The following DGKB variants were observed in gnomAD, a reference collection of about 807,000 sequenced individuals.
DGKB encodes the protein diacylglycerol kinase beta.
Under a neutral mutation model 114.3 loss-of-function variants are expected in DGKB, and 67 were observed. That is an observed-to-expected ratio of 0.59 (90% confidence interval 0.48 to 0.72). The LOEUF is 0.72. Ranked by LOEUF, DGKB falls within the 30% of genes least tolerant of loss-of-function variation. DGKB has a pLI of 0.00. For missense variants in DGKB, 907 were observed against 975.2 expected (o/e 0.93, Z 0.93); for synonymous variants, 398 against 323.1 (o/e 1.23, Z -2.49).
At chr7:14,792,718 C>T (rs901928473) in intron 2 of DGKB, among the ~76,000 whole-genome samples, 12 of 133,218 alleles carry the variant, frequency 9.0e-5, no homozygotes, top group Admixed American at 8.0e-4. Context: ...TATAGTTACA[C>T]TTCATCTTTT....
chr7:14,306,173 G>A (rs1804433444), intron 23 of DGKB, among the ~76,000 whole-genome samples: 1 of 151,842 alleles, frequency 6.6e-6, no homozygotes. Flanking sequence ...TTTTATCCCA[G>A]TGATATTAAA....
chr7:14,176,220 T>C (rs1333380952), intron 25 of DGKB: 1 of 413,864 alleles, frequency 2.4e-6, no homozygotes, highest in East Asian at 1.6e-4. Context: ...TGTTCATGTG[T>C]CTACTCCCAG....
At chr7:14,482,617 T>C (rs1783147984) in intron 20 of DGKB, among the ~76,000 whole-genome samples, 1 of 152,098 alleles carries the variant, frequency 6.6e-6, no homozygotes, top group Non-Finnish European at 1.5e-5. Context: ...AGGTTATAGT[T>C]CTCACTAAGA....
intron 1 of DGKB, among the ~76,000 whole-genome samples, chr7:14,863,835 C>T (rs1402906803): frequency 1.3e-5 from 2 of 151,954 alleles, no homozygotes; most frequent in African/African-American, 4.8e-5. Context: ...TGTGGTGGCT[C>T]ATGTCTCTAA....
chr7:14,790,089 C>T (rs1431165869), intron 2 of DGKB, among the ~76,000 whole-genome samples: 2 of 152,270 alleles, frequency 1.3e-5, no homozygotes, highest in Admixed American at 1.3e-4. Flanking sequence ...TGAATATTCT[C>T]TTCAGGACAA....
chr7:14,923,983 CAAAAAAA>C (rs56032330), intron 1 of DGKB, among the ~76,000 whole-genome samples: 22 of 76,158 alleles, frequency 2.9e-4, no homozygotes, highest in South Asian at 5.8e-4. Context: ...AGCTCCATCT[CAAAAAAA>C]AAAAAAAAAA....
chr7:14,683,658 G>T (rs1821205287), intron 10 of DGKB, among the ~76,000 whole-genome samples: 1 of 151,816 alleles, frequency 6.6e-6, no homozygotes, highest in Non-Finnish European at 1.5e-5. Flanking sequence ...ATATAAAACA[G>T]TACTTAAAAA....
chr7:14,841,644 G>A (rs1432470870), intron 1 of DGKB, among the ~76,000 whole-genome samples, 194 bp from the exon 2 acceptor site: 2 of 152,130 alleles, frequency 1.3e-5, no homozygotes, highest in African/African-American at 2.4e-5. Context: ...CACATTCCAC[G>A]AGTAGACAGT....
intron 1 of DGKB, among the ~76,000 whole-genome samples, chr7:14,855,455 A>G (rs1317693451): frequency 1.3e-5 from 2 of 152,304 alleles, no homozygotes; most frequent in East Asian, 1.9e-4. Context: ...ATTTGATTAC[A>G]TAAACCTGTA....
Position 14,673,016 on chromosome 7 carries a change from T to C in DGKB, c.1047A>G (p.Lys349=). 2 of 1,567,584 alleles carry C rather than the reference T, an allele frequency of 1.3e-6. No homozygotes were observed. Among genetic ancestry groups the C allele is most frequent in the East Asian group, 2.3e-5 (1 of 42,966 alleles). ...ATTCAGGTTTTAGATGAGAAGCACA[T>C]TTATTATGCAGCTAGAAAAACAGAA... ...CVWCQITLHN[K]CASHLKPECD... is the part of the protein sequence containing the mutation. Residue 349 remains lysine, a synonymous_variant, in exon 13 of 26, where the codon AAA becomes AAG. Transcript: ENST00000402815.
intron 14 of DGKB, among the ~76,000 whole-genome samples, chr7:14,624,966 C>G (rs1045876021): frequency 2.0e-5 from 3 of 151,780 alleles, no homozygotes; most frequent in Non-Finnish European, 4.4e-5. Context: ...CCACTGAACT[C>G]CATCCTGAGA....
intron 14 of DGKB, among the ~76,000 whole-genome samples, chr7:14,627,870 G>C (rs1808897340): frequency 6.6e-6 from 1 of 151,692 alleles, no homozygotes; most frequent in East Asian, 1.9e-4. Flanking sequence ...TTGAACCCGT[G>C]AGGCAGAGGC....
chr7:14,313,257 T>C (rs558302722), intron 23 of DGKB, among the ~76,000 whole-genome samples: 8 of 151,638 alleles, frequency 5.3e-5, no homozygotes, highest in East Asian at 1.9e-4. Flanking sequence ...AAACAACATA[T>C]TGCGGGGAGG....
chr7:14,519,097 T>C (rs1789320089), intron 20 of DGKB, among the ~76,000 whole-genome samples: 1 of 152,142 alleles, frequency 6.6e-6, no homozygotes, highest in African/African-American at 2.4e-5. Context: ...TTTATTGATG[T>C]TAATGTATGT....
chr7:14,963,873 T>C (rs1246099844), intron 1 of DGKB, among the ~76,000 whole-genome samples: 1 of 152,130 alleles, frequency 6.6e-6, no homozygotes, highest in African/African-American at 2.4e-5. Context: ...CAAACGTGAA[T>C]AAATATAGCA....
Position 14,178,203 on chromosome 7 carries a change from A to G in DGKB, c.2123-52T>C. ...TTGCAATGTGTATACATATGTCCACAATTTAATGCCATTTGATATTATGGA... is the reference window on the plus strand; with the variant it reads ...TTGCAATGTGTATACATATGTCCACGATTTAATGCCATTTGATATTATGGA... On this transcript the variant is annotated intron_variant, in intron 23 of 25. Coordinates refer to ENST00000402815, the MANE Select transcript of DGKB (RefSeq NM_001350709.2). The G allele has an allele frequency of 1.9e-6, 3 of 1,577,918 alleles. No individual in the cohort carries two copies. In the South Asian group the frequency reaches 3.4e-5, roughly 18 times the overall value.
At chr7:14,203,579 G>A (rs1269914826) in intron 23 of DGKB, among the ~76,000 whole-genome samples, 2 of 151,972 alleles carry the variant, frequency 1.3e-5, no homozygotes, top group Non-Finnish European at 2.9e-5. Flanking sequence ...GCCAGTGCAT[G>A]CATGCAGTTT....
chr7:14,774,977 C>T (rs1837941596), intron 2 of DGKB, among the ~76,000 whole-genome samples: 1 of 151,904 alleles, frequency 6.6e-6, no homozygotes. Flanking sequence ...ATTAAAAATG[C>T]CCATTTCATA....
chr7:14,810,664 C>T (rs1843316941), intron 2 of DGKB, among the ~76,000 whole-genome samples: 1 of 152,056 alleles, frequency 6.6e-6, no homozygotes, highest in Non-Finnish European at 1.5e-5. Flanking sequence ...GTGGCACAAT[C>T]TTGGCACGAT....
Sources: gnomAD v4.1 joint callset for allele counts (sites outside exome capture counted in the v4.1 genomes callset) on GRCh38, gnomAD v4.1.1 for gene constraint, MANE v1.5 for transcripts, NCBI Gene and HGNC (gene_info 2026-07-23, HGNC 2026-07-21) for gene names.